OR6C75: variants seen among roughly 807,000 people sequenced by gnomAD.
The protein encoded by OR6C75 is olfactory receptor 6C75.
For missense variants in OR6C75, 380 were observed against 368.0 expected (o/e 1.03, Z -0.27); for synonymous variants, 149 against 130.6 (o/e 1.14, Z -0.96).
rs1447703826 is a variant in OR6C75, at chr12:55,365,956, C to A, written c.846C>A (p.Leu282=). 3 of 1,613,516 alleles carry A rather than the reference C, an allele frequency of 1.9e-6. No homozygotes were observed. In the East Asian group the frequency reaches 6.7e-5, roughly 36 times the overall value. Residue 282 remains leucine (L), a synonymous_variant, in exon 3 of 3, where the codon CTC becomes CTA. Transcript: ENST00000641576. ...TGCTCAATACCTCAGTGGCTCCTCT[C>A]TTGAATCCCTTCATATACACACTGA... ...VAVLNTSVAP[L]LNPFIYTLRN... is the part of the protein sequence containing the mutation.
rs1265003791 is a variant in OR6C75, at chr12:55,367,462, A to C, written c.*1413A>C. On this transcript the variant is annotated 3_prime_UTR_variant, in exon 3 of 3. Coordinates refer to ENST00000641576, the MANE Select transcript of OR6C75 (RefSeq NM_001005497.2). ...AATAAATCCAACATCCCTTTATGACAAAAACACTCAACAAACCACGCATTG... is the reference window on the plus strand; with the variant it reads ...AATAAATCCAACATCCCTTTATGACCAAAACACTCAACAAACCACGCATTG... 1 of 152,178 alleles carries C rather than the reference A, an allele frequency of 6.6e-6. No homozygotes were observed. Among genetic ancestry groups the C allele is most frequent in the Non-Finnish European group, 1.5e-5 (1 of 68,042 alleles). 9.4% of individuals were successfully genotyped at this position (152,178 alleles called of 1,614,324 possible). A position where few individuals can be genotyped will look rare whatever the true frequency, so the allele number is the denominator to read the frequency against.
At position 55,366,437 on chromosome 12, in the gene OR6C75, A is replaced by C. The variant is rs1869808104; in HGVS notation, c.*388A>C. 1 of 152,382 alleles carries C rather than the reference A, an allele frequency of 6.6e-6. No homozygotes were observed. Among genetic ancestry groups the C allele is most frequent in the African/African-American group, 2.4e-5 (1 of 41,460 alleles). 9.4% of individuals were successfully genotyped at this position (152,382 alleles called of 1,614,324 possible). On this transcript the variant is annotated 3_prime_UTR_variant, in exon 3 of 3. Coordinates refer to ENST00000641576, the MANE Select transcript of OR6C75 (RefSeq NM_001005497.2). ...CTTAAAACTTAAAGTATAATAAAAA[A>C]TAATAATAAAATAAAGGCAAAATAG...
chr12:55,365,039 G>A lies in OR6C75; in HGVS notation c.-72G>A, dbSNP rs975600867. 2.2e-5 allele frequency: 21 copies of A among 949,634 alleles called. No individual in the cohort carries two copies. In the African/African-American group the frequency reaches 3.0e-4, roughly 13 times the overall value. 58.8% of individuals were successfully genotyped at this position (949,634 alleles called of 1,614,324 possible). A position where few individuals can be genotyped will look rare whatever the true frequency, so the allele number is the denominator to read the frequency against. On this transcript the variant is annotated 5_prime_UTR_variant, in exon 3 of 3. The change creates a new upstream start codon in the 5' untranslated region. Transcript: ENST00000641576. ...AAAAAAATAATAATTTTCTTTACTGGTGTCATAGTTTTCTGGTTTCTTCAC... is the reference window on the plus strand; with the variant it reads ...AAAAAAATAATAATTTTCTTTACTGATGTCATAGTTTTCTGGTTTCTTCAC...
chr12:55,365,904 G>A lies in OR6C75; in HGVS notation c.794G>A (p.Arg265Lys). Reference sequence around the variant, plus strand: ...TACATTAAGACTTCTGCCAGAGAAAGGGTGACTTTAAGCAAAGGAGTAGCT... The same window carrying A: ...TACATTAAGACTTCTGCCAGAGAAAAGGTGACTTTAAGCAAAGGAGTAGCT... Reference protein sequence around the residue: ...FMYIKTSARERVTLSKGVAVL... With the variant: ...FMYIKTSAREKVTLSKGVAVL... The change falls in exon 3 of 3, where the codon AGG becomes AAG. Residue 265 changes from arginine to lysine, a missense_variant. Arg to Lys is a conservative substitution (Grantham distance 26). Transcript: ENST00000641576. 6.2e-7 allele frequency: 1 copy of A among 1,613,960 alleles called. No individual in the cohort carries two copies. The highest frequency in any genetic ancestry group is 1.3e-5 in the African/African-American group (1 of 75,016).
Position 55,369,013 on chromosome 12 carries a change from T to C in OR6C75, c.*2964T>C, listed in dbSNP as rs1052194439. The C allele has an allele frequency of 3.3e-5, 5 of 152,106 alleles. No individual in the cohort carries two copies. The highest frequency in any genetic ancestry group is 3.3e-4 in the Admixed American group (5 of 15,264). The allele number at this position is 152,106 out of a possible 1,614,324, so 9.4% of individuals were successfully genotyped here. ...ATTGTAAGTTTGCTTTTATTAAGAT[T>C]ACAACAAGTAAGCAGAAATGCAAAA... On this transcript the variant is annotated 3_prime_UTR_variant, in exon 3 of 3. Coordinates refer to ENST00000641576, the MANE Select transcript of OR6C75 (RefSeq NM_001005497.2).
At position 55,366,028 on chromosome 12, in the gene OR6C75, G is replaced by C; in HGVS notation, c.918G>C (p.Met306Ile). 2.6e-6 allele frequency: 4 copies of C among 1,566,558 alleles called. No individual in the cohort carries two copies. Among genetic ancestry groups the C allele is most frequent in the Non-Finnish European group, 3.4e-6 (4 of 1,159,552 alleles). Reference sequence around the variant, plus strand: ...CCTTCAAGAGCATGGTCCAGAAGATGATTTTTTCTTTAAATAAATGAATGT... The same window carrying C: ...CCTTCAAGAGCATGGTCCAGAAGATCATTTTTTCTTTAAATAAATGAATGT... ...KQAFKSMVQKMIFSLNK is the reference protein window; with the variant it reads ...KQAFKSMVQKIIFSLNK Residue 306 changes from methionine (M) to isoleucine (I), a missense_variant, in exon 3 of 3, where the codon ATG (methionine) becomes ATC (isoleucine). Coordinates refer to ENST00000641576, the MANE Select transcript of OR6C75 (RefSeq NM_001005497.2).
In OR6C75 at chr12:55,365,859, AC is replaced by A. The variant is rs1565673731; in HGVS notation, c.750del (p.Tyr250Ter). On this transcript the variant is annotated frameshift_variant, in exon 3 of 3. Coordinates refer to ENST00000641576, the MANE Select transcript of OR6C75 (RefSeq NM_001005497.2). LOFTEE classifies it low-confidence loss of function (END_TRUNC). The part of the protein sequence containing the change: ...SSHMIVVSIS[Y>X]SSCIFMYIKT... ...CATATGATAGTTGTCTCCATCTCTT[AC>A]AGTAGCTGTATCTTCATGTACATTA... The A allele has an allele frequency of 6.2e-7, 1 of 1,613,862 alleles. No homozygotes were observed.
chr12:55,365,157 C>A lies in OR6C75; in HGVS notation c.47C>A (p.Thr16Lys). ...ACAGACTTTATTCTTCTTGGATTGACAAGTGACCCACAGTGGCAGGTTGTA... is the reference window on the plus strand; with the variant it reads ...ACAGACTTTATTCTTCTTGGATTGAAAAGTGACCCACAGTGGCAGGTTGTA... ...AVTDFILLGL[T>K]SDPQWQVVLF... Residue 16 changes from threonine (T) to lysine (K), a missense_variant, in exon 3 of 3, where the codon ACA becomes AAA. Transcript: ENST00000641576. 1 of 1,613,078 alleles carries A rather than the reference C, an allele frequency of 6.2e-7. No individual in the cohort carries two copies. The highest frequency in any genetic ancestry group is 8.5e-7 in the Non-Finnish European group (1 of 1,179,604).
In OR6C75 at chr12:55,365,842, A is replaced by G; in HGVS notation, c.732A>G (p.Ile244Met). 2 of 1,613,844 alleles carry G rather than the reference A, an allele frequency of 1.2e-6. No individual in the cohort carries two copies. The highest frequency in any genetic ancestry group is 3.3e-5 in the Admixed American group (2 of 60,000). Reference sequence around the variant, plus strand: ...TTTCCACTTGCTCCTCCCATATGATAGTTGTCTCCATCTCTTACAGTAGCT... The same window carrying G: ...TTTCCACTTGCTCCTCCCATATGATGGTTGTCTCCATCTCTTACAGTAGCT... ...KAFSTCSSHM[I>M]VVSISYSSCI... The change falls in exon 3 of 3, where the codon ATA becomes ATG. Residue 244 changes from isoleucine (I) to methionine (M), a missense_variant. Coordinates refer to ENST00000641576, the MANE Select transcript of OR6C75 (RefSeq NM_001005497.2).
In OR6C75 at chr12:55,365,267, C is replaced by G. The variant is rs1394818277; in HGVS notation, c.157C>G (p.Leu53Val). 2 of 1,613,406 alleles carry G rather than the reference C, an allele frequency of 1.2e-6. No individual in the cohort carries two copies. The highest frequency in any genetic ancestry group is 4.5e-5 in the East Asian group (2 of 44,878). ...IITLTLSDPHLQTPMYFFLRN... is the reference protein window; with the variant it reads ...IITLTLSDPHVQTPMYFFLRN... ...CACCCTCACCCTTTCAGATCCCCAT[C>G]TGCAGACTCCCATGTATTTCTTCCT... is the stretch of plus-strand genomic sequence containing the variant. Residue 53 changes from leucine (L) to valine (V), a missense_variant, in exon 3 of 3, where the codon CTG becomes GTG. Physicochemically the swap from Leu to Val is conservative, Grantham distance 32 (BLOSUM62 1). Coordinates refer to ENST00000641576, the MANE Select transcript of OR6C75 (RefSeq NM_001005497.2).
Position 55,366,012 on chromosome 12 carries a change from G to C in OR6C75, c.902G>C (p.Ser301Thr), listed in dbSNP as rs1221450158. The change falls in exon 3 of 3, where the codon AGC becomes ACC. Residue 301 changes from serine (S) to threonine (T), a missense_variant. Physicochemically the swap from Ser to Thr is moderately conservative, Grantham distance 58. Coordinates refer to ENST00000641576, the MANE Select transcript of OR6C75 (RefSeq NM_001005497.2). Reference protein sequence around the residue: ...RNKQVKQAFKSMVQKMIFSLN... With the variant: ...RNKQVKQAFKTMVQKMIFSLN... ...AAGCAAGTGAAGCAAGCCTTCAAGA[G>C]CATGGTCCAGAAGATGATTTTTTCT... 1 of 1,600,904 alleles carries C rather than the reference G, an allele frequency of 6.2e-7. No homozygotes were observed. The highest frequency in any genetic ancestry group is 1.3e-5 in the African/African-American group (1 of 74,280).
rs1026757353 is a variant in OR6C75 at position 55,367,931 on chromosome 12, T to G, written c.*1882T>G. On this transcript the variant is annotated 3_prime_UTR_variant, in exon 3 of 3. Transcript: ENST00000641576. ...TGGCTCATGCCCGAAATCTCAGCAC[T>G]TTGGGAGGCCAAGCGGGGAGGATTG... 6.6e-6 allele frequency: 1 copy of G among 152,200 alleles called. No homozygotes were observed. Among genetic ancestry groups the G allele is most frequent in the African/African-American group, 2.4e-5 (1 of 41,410 alleles). The allele number at this position is 152,200 out of a possible 1,614,324, so 9.4% of individuals were successfully genotyped here.
rs767647032 is a variant in OR6C75 at position 55,365,965 on chromosome 12, C to T, written c.855C>T (p.Pro285=). The part of the protein sequence containing the change: ...LNTSVAPLLN[P]FIYTLRNKQV... Reference sequence around the variant, plus strand: ...CCTCAGTGGCTCCTCTCTTGAATCCCTTCATATACACACTGAGAAATAAGC... The same window carrying T: ...CCTCAGTGGCTCCTCTCTTGAATCCTTTCATATACACACTGAGAAATAAGC... Residue 285 remains proline (P), a synonymous_variant, in exon 3 of 3, where the codon CCC becomes CCT. Transcript: ENST00000641576. 3.1e-6 allele frequency: 5 copies of T among 1,613,552 alleles called. No individual in the cohort carries two copies. The South Asian group carries it at 4.4e-5, about 14-fold the overall frequency.
At chr12:55,364,246 G>A (rs1022147933) in intron 2 of OR6C75, among the ~76,000 whole-genome samples, 1 of 148,842 alleles carries the variant, frequency 6.7e-6, no homozygotes, top group Non-Finnish European at 1.5e-5. Flanking sequence ...CCAAAGTGCT[G>A]GGATTACAGG....
chr12:55,364,941 C>T lies in OR6C75; in HGVS notation c.-170C>T, dbSNP rs1385684862. ...TCCAGCCTCATAAAAGAAGGAGATA[C>T]TGCCACACTGCCATTTGTGACATTA... On this transcript the variant is annotated 5_prime_UTR_variant, in exon 3 of 3. Coordinates refer to ENST00000641576, the MANE Select transcript of OR6C75 (RefSeq NM_001005497.2). 1.7e-6 allele frequency: 1 copy of T among 584,190 alleles called. No individual in the cohort carries two copies. Among genetic ancestry groups the T allele is most frequent in the African/African-American group, 1.9e-5 (1 of 52,612 alleles). 36.2% of individuals were successfully genotyped at this position (584,190 alleles called of 1,614,324 possible). A position where few individuals can be genotyped will look rare whatever the true frequency, so the allele number is the denominator to read the frequency against.
Position 55,366,125 on chromosome 12 carries a change from T to A in OR6C75, c.*76T>A. On this transcript the variant is annotated 3_prime_UTR_variant, in exon 3 of 3. Transcript: ENST00000641576. ...TCTCTACCCTTCTCTACATGAACTCTTTCTAAACACCTTATTTCACACTTT... is the reference window on the plus strand; with the variant it reads ...TCTCTACCCTTCTCTACATGAACTCATTCTAAACACCTTATTTCACACTTT... 1.3e-6 allele frequency: 1 copy of A among 798,626 alleles called. No individual in the cohort carries two copies. Among genetic ancestry groups the A allele is most frequent in the Non-Finnish European group, 2.0e-6 (1 of 509,634 alleles). The allele number at this position is 798,626 out of a possible 1,614,324, so 49.5% of individuals were successfully genotyped here.
At position 55,366,328 on chromosome 12, in the gene OR6C75, G is replaced by T. The variant is rs963096777; in HGVS notation, c.*279G>T. On this transcript the variant is annotated 3_prime_UTR_variant, in exon 3 of 3. Transcript: ENST00000641576. ...GATAGCATTGGGAGATATACCTAAG[G>T]CTAGATGACGAGTTAGTGGGTGCAG... 1 of 237,276 alleles carries T rather than the reference G, an allele frequency of 4.2e-6. No homozygotes were observed. Among genetic ancestry groups the T allele is most frequent in the Admixed American group, 5.1e-5 (1 of 19,698 alleles). The allele number at this position is 237,276 out of a possible 1,614,324, so 14.7% of individuals were successfully genotyped here. A position where few individuals can be genotyped will look rare whatever the true frequency, so the allele number is the denominator to read the frequency against.
chr12:55,365,150 G>C lies in OR6C75; in HGVS notation c.40G>C (p.Gly14Arg), dbSNP rs202217841. ...STAVTDFILL[G>R]LTSDPQWQVV... Reference sequence around the variant, plus strand: ...AGCAGTAACAGACTTTATTCTTCTTGGATTGACAAGTGACCCACAGTGGCA... The same window carrying C: ...AGCAGTAACAGACTTTATTCTTCTTCGATTGACAAGTGACCCACAGTGGCA... Residue 14 changes from glycine to arginine, a missense_variant, in exon 3 of 3, where the codon GGA becomes CGA. Coordinates refer to ENST00000641576, the MANE Select transcript of OR6C75 (RefSeq NM_001005497.2). 6.2e-7 allele frequency: 1 copy of C among 1,612,786 alleles called. No homozygotes were observed. Among genetic ancestry groups the C allele is most frequent in the East Asian group, 2.2e-5 (1 of 44,876 alleles).
chr12:55,367,779 G>A lies in OR6C75; in HGVS notation c.*1730G>A, dbSNP rs923771576. On this transcript the variant is annotated 3_prime_UTR_variant, in exon 3 of 3. Coordinates refer to ENST00000641576, the MANE Select transcript of OR6C75 (RefSeq NM_001005497.2). ...AAAGGTTCCTCCAAAAAACTCCTAG[G>A]CCTGATAAACTACTTGAGTAAAGTT... The A allele has an allele frequency of 1.3e-5, 2 of 152,076 alleles. No homozygotes were observed. Among genetic ancestry groups the A allele is most frequent in the Non-Finnish European group, 2.9e-5 (2 of 68,020 alleles). 9.4% of individuals were successfully genotyped at this position (152,076 alleles called of 1,614,324 possible). A position where few individuals can be genotyped will look rare whatever the true frequency, so the allele number is the denominator to read the frequency against.
Sources: gnomAD v4.1 joint callset for allele counts (sites outside exome capture counted in the v4.1 genomes callset) on GRCh38, gnomAD v4.1.1 for gene constraint, MANE v1.5 for transcripts, NCBI Gene and HGNC (gene_info 2026-07-23, HGNC 2026-07-21) for gene names.